The following GPR26 variants were observed in gnomAD, a reference collection of about 807,000 sequenced individuals.
The protein encoded by GPR26 is G protein-coupled receptor 26.
A neutral mutation model predicts 23.1 loss-of-function variants in GPR26; 15 were observed. The ratio of observed to expected loss-of-function variants is 0.65; its 90% CI spans 0.43 to 1.00. GPR26 has a LOEUF of 1.00. Ranked by LOEUF, GPR26 falls within the 50% of genes least tolerant of loss-of-function variation. The probability of loss-of-function intolerance (pLI) is 0.00; values close to 1 mark genes in which losing one functional copy is unlikely to be tolerated. For missense variants in GPR26, 359 were observed against 470.5 expected (o/e 0.76, Z 2.19); for synonymous variants, 228 against 222.1 (o/e 1.03, Z -0.24).
At chr10:123,682,779 C>G (rs1845391805) in intron 2 of GPR26, among the ~76,000 whole-genome samples, 1 of 151,586 alleles carries the variant, frequency 6.6e-6, no homozygotes, top group Admixed American at 6.6e-5. Flanking sequence ...GTCTCATATG[C>G]AGGGGATTCC....
At position 123,666,614 on chromosome 10, in the gene GPR26, G is replaced by A; in HGVS notation, c.207G>A (p.Ala69=). The A allele has an allele frequency of 1.3e-6, 2 of 1,589,188 alleles. No homozygotes were observed. Among genetic ancestry groups the A allele is most frequent in the Non-Finnish European group, 1.7e-6 (2 of 1,171,166 alleles). ...CGCTCACGCTGGCCGGCGTCGTGGC[G>A]CAGCGGCAGCCGGCGGGCGACCGCC... is the stretch of plus-strand genomic sequence containing the variant. ...NMPLTLAGVV[A]QRQPAGDRLC... is the part of the protein sequence containing the mutation. Residue 69 remains alanine, a synonymous_variant, in exon 1 of 3, where the codon GCG becomes GCA. Transcript: ENST00000284674.
At chr10:123,671,137 G>A (rs1390141982) in intron 1 of GPR26, among the ~76,000 whole-genome samples, 2 of 152,192 alleles carry the variant, frequency 1.3e-5, no homozygotes, top group Non-Finnish European at 2.9e-5. Flanking sequence ...CGTGGGCTCT[G>A]GCTGGACTTT....
At chr10:123,676,675 A>T (rs1237649137) in intron 2 of GPR26, among the ~76,000 whole-genome samples, 3 of 152,208 alleles carry the variant, frequency 2.0e-5, no homozygotes, top group Non-Finnish European at 4.4e-5. Flanking sequence ...AGCCCAGGCA[A>T]CAGAGGAGAA....
At chr10:123,671,799 C>T (rs990687340) in intron 1 of GPR26, among the ~76,000 whole-genome samples, 1 of 152,146 alleles carries the variant, frequency 6.6e-6, no homozygotes, top group Non-Finnish European at 1.5e-5. Flanking sequence ...CTCTGTGTAA[C>T]CTTGGGCATG....
Position 123,690,772 on chromosome 10 carries a change from A to G in GPR26, c.*2612A>G, listed in dbSNP as rs1203415836. Reference sequence around the variant, plus strand: ...TTTTCATCTCTATACAGTCTATCAAATTTGCCCCCTGGCTTTATTACTCCC... The same window carrying G: ...TTTTCATCTCTATACAGTCTATCAAGTTTGCCCCCTGGCTTTATTACTCCC... On this transcript the variant is annotated 3_prime_UTR_variant, in exon 3 of 3. Transcript: ENST00000284674. 1.3e-5 allele frequency: 2 copies of G among 152,172 alleles called. No individual in the cohort carries two copies. Among genetic ancestry groups the G allele is most frequent in the Non-Finnish European group, 2.9e-5 (2 of 68,030 alleles). The allele number at this position is 152,172 out of a possible 1,614,324, so 9.4% of individuals were successfully genotyped here.
chr10:123,684,022 A>T (rs576369343), intron 2 of GPR26, among the ~76,000 whole-genome samples: 1 of 152,074 alleles, frequency 6.6e-6, no homozygotes, highest in African/African-American at 2.4e-5. Flanking sequence ...CCCCAGCTCC[A>T]TCCCCTCCCC....
In GPR26 at chr10:123,693,125, C is replaced by T. The variant is rs1476697289; in HGVS notation, c.*4965C>T. ...ACCAGCTGGGCGTTGGGACCTCTCC[C>T]GTCATATGGCTGCCACTTGCTTGGG... is the stretch of plus-strand genomic sequence containing the variant. On this transcript the variant is annotated 3_prime_UTR_variant, in exon 3 of 3. Coordinates refer to ENST00000284674, the MANE Select transcript of GPR26 (RefSeq NM_153442.4). 2 of 152,150 alleles carry T rather than the reference C, an allele frequency of 1.3e-5. No homozygotes were observed. Among genetic ancestry groups the T allele is most frequent in the Non-Finnish European group, 2.9e-5 (2 of 68,038 alleles). 9.4% of individuals were successfully genotyped at this position (152,150 alleles called of 1,614,324 possible).
At chr10:123,673,120 C>T (rs1010990833) in intron 1 of GPR26, among the ~76,000 whole-genome samples, 5 of 152,086 alleles carry the variant, frequency 3.3e-5, no homozygotes, top group Non-Finnish European at 4.4e-5. Context: ...TCAGCCAGGA[C>T]GAAATCTGTT....
At chr10:123,685,675 T>A (rs1047440390) in intron 2 of GPR26, among the ~76,000 whole-genome samples, 1 of 152,230 alleles carries the variant, frequency 6.6e-6, no homozygotes, top group Non-Finnish European at 1.5e-5. Context: ...TATAGTGACC[T>A]CATGGGAAAG....
intron 1 of GPR26, among the ~76,000 whole-genome samples, chr10:123,667,373 T>C (rs543685930): frequency 5.1e-4 from 78 of 152,316 alleles, no homozygotes; most frequent in African/African-American, 1.8e-3. Flanking sequence ...GTTTGTAGCT[T>C]TCACTTTAAA....
intron 1 of GPR26, among the ~76,000 whole-genome samples, chr10:123,667,355 T>C (rs1485212143): frequency 6.6e-6 from 1 of 152,112 alleles, no homozygotes; most frequent in Non-Finnish European, 1.5e-5. Context: ...TTCATGCACA[T>C]TTTCTGTGTT....
intron 2 of GPR26, among the ~76,000 whole-genome samples, chr10:123,683,069 G>A (rs1172007426): frequency 1.4e-5 from 2 of 139,888 alleles, no homozygotes; most frequent in Non-Finnish European, 1.6e-5. Flanking sequence ...AGGGAAAGAG[G>A]AAGAGAGAAG....
intron 1 of GPR26, among the ~76,000 whole-genome samples, chr10:123,670,579 G>A (rs1036612619): frequency 6.6e-6 from 1 of 152,188 alleles, no homozygotes; most frequent in Non-Finnish European, 1.5e-5. Flanking sequence ...CAGGCTCCTT[G>A]GGGATCAACC....
At chr10:123,687,440 C>T (rs1564733610) in intron 2 of GPR26, among the ~76,000 whole-genome samples, 1 of 152,110 alleles carries the variant, frequency 6.6e-6, no homozygotes, top group African/African-American at 2.4e-5. Context: ...CATGCAGGTC[C>T]AAGGAGTGAA....
intron 1 of GPR26, among the ~76,000 whole-genome samples, chr10:123,672,475 G>A (rs1845262684): frequency 6.6e-6 from 1 of 152,138 alleles, no homozygotes; most frequent in Non-Finnish European, 1.5e-5. Flanking sequence ...TGTCCACCAG[G>A]TCCCTGGAGG....
chr10:123,668,131 C>G (rs1214213387), intron 1 of GPR26, among the ~76,000 whole-genome samples: 1 of 152,134 alleles, frequency 6.6e-6, no homozygotes, highest in South Asian at 2.1e-4. Flanking sequence ...TGTGGGAGAA[C>G]CCTGGGAACC....
chr10:123,675,857 A>AGTGTGTGTGTGTGTGTGT (rs1564731138), intron 2 of GPR26, among the ~76,000 whole-genome samples: 1,331 of 45,596 alleles, frequency 0.029, 26 homozygotes, highest in African/African-American at 0.083. Context: ...TGTGTGTGTA[A>AGTGTGTGTGTGTGTGTGT]GAGAGAGAGA....
Position 123,693,161 on chromosome 10 carries a change from C to G in GPR26, c.*5001C>G, listed in dbSNP as rs1326026495. Reference sequence around the variant, plus strand: ...TGCCACTTGCTTGGGAAGGAATTCTCCAGACTCCTTTTACTTTGTATGTGT... The same window carrying G: ...TGCCACTTGCTTGGGAAGGAATTCTGCAGACTCCTTTTACTTTGTATGTGT... On this transcript the variant is annotated 3_prime_UTR_variant, in exon 3 of 3. Coordinates refer to ENST00000284674, the MANE Select transcript of GPR26 (RefSeq NM_153442.4). 7 of 152,212 alleles carry G rather than the reference C, an allele frequency of 4.6e-5. No individual in the cohort carries two copies. The highest frequency in any genetic ancestry group is 3.9e-4 in the Admixed American group (6 of 15,282). The allele number at this position is 152,212 out of a possible 1,614,324, so 9.4% of individuals were successfully genotyped here. A position where few individuals can be genotyped will look rare whatever the true frequency, so the allele number is the denominator to read the frequency against.
chr10:123,666,848 C>G lies in GPR26; in HGVS notation c.441C>G (p.Leu147=), dbSNP rs755451481. 2.0e-5 allele frequency: 32 copies of G among 1,610,664 alleles called. No individual in the cohort carries two copies. The East Asian group carries it at 5.8e-4, about 29-fold the overall frequency. Residue 147 remains leucine, a synonymous_variant, in exon 1 of 3, where the codon CTC becomes CTG. Transcript: ENST00000284674. The part of the protein sequence containing the change: ...FPAAALALSW[L]GFHQLYASCT... ...CCGCCGCGCTCGCCCTGTCCTGGCT[C>G]GGCTTCCACCAGCTGTACGCCTCGT... is the stretch of plus-strand genomic sequence containing the variant.
Sources: gnomAD v4.1 joint callset for allele counts (sites outside exome capture counted in the v4.1 genomes callset) on GRCh38, gnomAD v4.1.1 for gene constraint, MANE v1.5 for transcripts, NCBI Gene and HGNC (gene_info 2026-07-23, HGNC 2026-07-21) for gene names.